The following TCEA3 variants were observed in gnomAD, a reference collection of about 807,000 sequenced individuals.
The protein encoded by TCEA3 is transcription elongation factor A3, also known as transcription elongation factor A protein 3.
Under a neutral mutation model 44.0 loss-of-function variants are expected in TCEA3, and 36 were observed. The observed-to-expected ratio is 0.82, with a 90% CI of 0.63 to 1.08. TCEA3 has a LOEUF of 1.08. Ranked by LOEUF, TCEA3 falls within the 50% of genes least tolerant of loss-of-function variation. TCEA3 has a pLI of 0.00. For synonymous variants in TCEA3, 162 were observed against 159.7 expected, an observed-to-expected ratio of 1.01 and a Z score of -0.11; for missense variants, 392 against 441.2, an observed-to-expected ratio of 0.89 and a Z score of 1.00.
intron 10 of TCEA3, among the ~76,000 whole-genome samples, chr1:23,383,002 G>A (rs374173706): frequency 5.4e-4 from 83 of 152,304 alleles, no homozygotes; most frequent in African/African-American, 1.7e-3. Context: ...ATTAGAGGCC[G>A]GGCGCGGCGG....
intron 8 of TCEA3, among the ~76,000 whole-genome samples, chr1:23,389,243 T>A (rs1031852082): frequency 6.6e-6 from 1 of 152,106 alleles, no homozygotes; most frequent in Non-Finnish European, 1.5e-5. Context: ...ATCTCAGCAC[T>A]TTGGGAGGCT....
At chr1:23,415,211 C>A (rs896517303) in intron 4 of TCEA3, among the ~76,000 whole-genome samples, 1 of 151,668 alleles carries the variant, frequency 6.6e-6, no homozygotes, top group Non-Finnish European at 1.5e-5. Flanking sequence ...TTAGTAGAGA[C>A]GGGGTTTCAC....
chr1:23,418,256 C>T, intron 2 of TCEA3: 2 of 486,512 alleles, frequency 4.1e-6, no homozygotes, highest in Non-Finnish European at 7.4e-6. Context: ...GAAACCTGAA[C>T]CTAGGGTTGG....
At chr1:23,412,514 G>T (rs1241037363) in intron 4 of TCEA3, among the ~76,000 whole-genome samples, 1 of 151,780 alleles carries the variant, frequency 6.6e-6, no homozygotes, top group African/African-American at 2.4e-5. Flanking sequence ...ACCAGCCTGA[G>T]CAACATGGAG....
At chr1:23,396,277 G>T (rs960864561) in intron 7 of TCEA3, among the ~76,000 whole-genome samples, 2 of 152,260 alleles carry the variant, frequency 1.3e-5, no homozygotes, top group East Asian at 3.9e-4. Flanking sequence ...TCACACCTCG[G>T]TGTGACACTT....
intron 7 of TCEA3, among the ~76,000 whole-genome samples, chr1:23,397,025 A>AAAGGGC (rs1639236798): frequency 6.7e-6 from 1 of 149,456 alleles, no homozygotes; most frequent in Non-Finnish European, 1.5e-5. Flanking sequence ...AAAAAAAAAA[A>AAAGGGC]AAGGGCGCTG....
At chr1:23,399,156 A>G (rs750570134) in intron 5 of TCEA3, among the ~76,000 whole-genome samples, 2 of 108,026 alleles carry the variant, frequency 1.9e-5, no homozygotes, top group African/African-American at 9.2e-5. Flanking sequence ...ATATATATAT[A>G]TATATATATA....
chr1:23,381,235 G>A lies in TCEA3; in HGVS notation c.*231C>T, dbSNP rs1638665213. ...CAGCCCTCTGCAGTTTCTAAAAGAG[G>A]TTCATCAATACAAATTCTCAGCATC... is the stretch of plus-strand genomic sequence containing the variant. On this transcript the variant is annotated 3_prime_UTR_variant, in exon 11 of 11. Coordinates refer to ENST00000450454, the MANE Select transcript of TCEA3 (RefSeq NM_003196.3). 1.8e-6 allele frequency: 1 copy of A among 566,836 alleles called. No individual in the cohort carries two copies. The highest frequency in any genetic ancestry group is 3.2e-6 in the Non-Finnish European group (1 of 315,746). 35.1% of individuals were successfully genotyped at this position (566,836 alleles called of 1,614,324 possible). A position where few individuals can be genotyped will look rare whatever the true frequency, so the allele number is the denominator to read the frequency against.
chr1:23,417,105 G>T (rs1639913993), intron 4 of TCEA3, 144 bp downstream of exon 4: 1 of 997,426 alleles, frequency 1.0e-6, no homozygotes, highest in Non-Finnish European at 1.4e-6. Context: ...AGCCAAAGAA[G>T]ACCCCCAGAG....
chr1:23,397,549 T>A lies in TCEA3; in HGVS notation c.660A>T (p.Glu220Asp), dbSNP rs1317518634. ...VNCDKMASEI[E>D]DHIYQELKST... ...CCCGGCACAGTTCAAGGATATGATC[T>A]TCGATTTCTGATGCCATCTTGTCAC... Residue 220 changes from glutamate to aspartate, a missense_variant, in exon 7 of 11, where the codon GAA becomes GAT. Physicochemically the swap from Glu to Asp is conservative, Grantham distance 45. Coordinates refer to ENST00000450454, the MANE Select transcript of TCEA3 (RefSeq NM_003196.3). 6.2e-7 allele frequency: 1 copy of A among 1,613,696 alleles called. No individual in the cohort carries two copies. Among genetic ancestry groups the A allele is most frequent in the Non-Finnish European group, 8.5e-7 (1 of 1,179,842 alleles).
chr1:23,421,103 T>C (rs1045680944), intron 1 of TCEA3, among the ~76,000 whole-genome samples: 3 of 152,168 alleles, frequency 2.0e-5, no homozygotes, highest in Non-Finnish European at 2.9e-5. Context: ...TGCAGATGTG[T>C]GTGTATGTGA....
At chr1:23,398,574 C>T (rs915828016) in intron 5 of TCEA3, among the ~76,000 whole-genome samples, 13 of 152,142 alleles carry the variant, frequency 8.5e-5, no homozygotes, top group Non-Finnish European at 1.0e-4. Flanking sequence ...AGAACTGTGC[C>T]AGGCACTTTA....
rs369029843 is a variant in TCEA3, at chr1:23,408,743, G to T, written c.381-17C>A. On this transcript the variant is annotated splice_polypyrimidine_tract_variant and intron_variant, in intron 4 of 10. Coordinates refer to ENST00000450454, the MANE Select transcript of TCEA3 (RefSeq NM_003196.3). ...GAGTCTCTCCTGAAAGAAGAAAATT[G>T]GCAAGGAGACTGCTTTGTAGACTAG... is the stretch of plus-strand genomic sequence containing the variant. 3 of 1,595,610 alleles carry T rather than the reference G, an allele frequency of 1.9e-6. No individual in the cohort carries two copies. The highest frequency in any genetic ancestry group is 2.6e-6 in the Non-Finnish European group (3 of 1,169,872).
intron 2 of TCEA3, 68 bp from the exon 3 acceptor site, chr1:23,418,077 G>A (rs1480369746): frequency 4.0e-6 from 6 of 1,500,352 alleles, no homozygotes; most frequent in Non-Finnish European, 5.5e-6. Flanking sequence ...ATCATTGGCA[G>A]ATCCTGCCCC....
intron 4 of TCEA3, among the ~76,000 whole-genome samples, chr1:23,414,137 C>A (rs1639819544): frequency 1.3e-5 from 2 of 151,672 alleles, no homozygotes; most frequent in Admixed American, 6.6e-5. Flanking sequence ...CACAGGCTGG[C>A]GTGCAGTGGC....
chr1:23,402,161 G>A (rs747884404), intron 5 of TCEA3, among the ~76,000 whole-genome samples: 6 of 152,254 alleles, frequency 3.9e-5, no homozygotes, highest in East Asian at 1.9e-4. Flanking sequence ...CCAACATGGC[G>A]AAACACTGTC....
intron 4 of TCEA3, among the ~76,000 whole-genome samples, chr1:23,415,209 G>A: frequency 6.6e-6 from 1 of 151,776 alleles, no homozygotes; most frequent in East Asian, 1.9e-4. Flanking sequence ...TTTTAGTAGA[G>A]ACGGGGTTTC....
At chr1:23,384,476 TC>T in intron 9 of TCEA3, 59 bp from the exon 10 acceptor site, 1 of 1,569,338 alleles carries the variant, frequency 6.4e-7, no homozygotes. Context: ...CTGCCATGGC[TC>T]CCACTGTCTT....
At chr1:23,403,109 T>G (rs1639447198) in intron 5 of TCEA3, among the ~76,000 whole-genome samples, 1 of 152,236 alleles carries the variant, frequency 6.6e-6, no homozygotes, top group Admixed American at 6.5e-5. Context: ...CGCTGACCTG[T>G]GCGTGCCATT....
Sources: allele counts gnomAD v4.1 joint callset (sites outside exome capture counted in the v4.1 genomes callset), GRCh38; gene constraint gnomAD v4.1.1; transcripts MANE v1.5; gene names NCBI Gene and HGNC (gene_info 2026-07-23, HGNC 2026-07-21).